ARHGAP32: variants seen among roughly 807,000 people sequenced by gnomAD.
The protein encoded by ARHGAP32 is Rho GTPase activating protein 32, also known as rho GTPase-activating protein 32.
Under a neutral mutation model 186.5 loss-of-function variants are expected in ARHGAP32, and 51 were observed. The observed-to-expected ratio is 0.27, with a 90% CI of 0.22 to 0.35. The LOEUF is 0.35. Ranked by LOEUF, ARHGAP32 falls within the 10% of genes least tolerant of loss-of-function variation. The pLI is 1.00. For missense variants in ARHGAP32, 2,186 were observed against 2,623.5 expected, an observed-to-expected ratio of 0.83 and a Z score of 3.64; for synonymous variants, 950 against 964.3, an observed-to-expected ratio of 0.99 and a Z score of 0.27.
chr11:129,143,249 T>C (rs1445122698), intron 2 of ARHGAP32, among the ~76,000 whole-genome samples: 2 of 152,084 alleles, frequency 1.3e-5, no homozygotes, highest in Admixed American at 6.6e-5. Context: ...TATTGTCCCC[T>C]TTCTTAAAAA....
At chr11:129,080,183 A>C (rs1234823234) in intron 6 of ARHGAP32, among the ~76,000 whole-genome samples, 1 of 152,178 alleles carries the variant, frequency 6.6e-6, no homozygotes, top group Non-Finnish European at 1.5e-5. Context: ...TGACAGCACT[A>C]AATAGGTCAT....
intron 1 of ARHGAP32, among the ~76,000 whole-genome samples, chr11:129,200,430 T>C (rs1944443546): frequency 6.6e-6 from 1 of 152,198 alleles, no homozygotes; most frequent in Non-Finnish European, 1.5e-5. Flanking sequence ...TTTCTCATGG[T>C]AGTAAGTAAG....
At chr11:129,158,583 G>A (rs540677978) in intron 2 of ARHGAP32, among the ~76,000 whole-genome samples, 1 of 152,242 alleles carries the variant, frequency 6.6e-6, no homozygotes, top group South Asian at 2.1e-4. Context: ...GACCTACAAA[G>A]AGACTTAGAC....
chr11:129,158,180 T>C (rs1943452952), intron 2 of ARHGAP32, among the ~76,000 whole-genome samples: 1 of 151,870 alleles, frequency 6.6e-6, no homozygotes, highest in Non-Finnish European at 1.5e-5. Flanking sequence ...ACGGGCAAAA[T>C]AACCAGCTAG....
chr11:129,195,670 C>T (rs1281715613), upstream of ARHGAP32, among the ~76,000 whole-genome samples: 3 of 152,192 alleles, frequency 2.0e-5, no homozygotes, highest in Middle Eastern at 3.4e-3. Context: ...GCCGAGATCA[C>T]GCCATTGCGC....
intron 11 of ARHGAP32, among the ~76,000 whole-genome samples, chr11:129,033,347 C>T (rs966739255): frequency 7.2e-5 from 11 of 152,144 alleles, no homozygotes; most frequent in African/African-American, 1.4e-4. Flanking sequence ...CAATGATTGT[C>T]CCAAATTAAT....
At chr11:129,057,829 C>T (rs573712777) in intron 10 of ARHGAP32, among the ~76,000 whole-genome samples, 1 of 152,050 alleles carries the variant, frequency 6.6e-6, no homozygotes, top group South Asian at 2.1e-4. Context: ...TGAGGTGGCC[C>T]CTAACCTAAT....
upstream of ARHGAP32, among the ~76,000 whole-genome samples, chr11:129,194,940 T>G (rs1255875574): frequency 8.0e-6 from 1 of 124,224 alleles, no homozygotes; most frequent in Admixed American, 8.2e-5. Flanking sequence ...CAAAGTGTTG[T>G]TTTTTTGTGG....
chr11:129,174,765 G>A (rs1943872986), intron 1 of ARHGAP32, among the ~76,000 whole-genome samples: 1 of 152,062 alleles, frequency 6.6e-6, no homozygotes, highest in Admixed American at 6.5e-5. Flanking sequence ...CAAACAGAAA[G>A]CACATCCACA....
chr11:129,217,049 TCTTTA>T (rs1426180418), intron 1 of ARHGAP32, among the ~76,000 whole-genome samples: 1 of 152,196 alleles, frequency 6.6e-6, no homozygotes, highest in Non-Finnish European at 1.5e-5. Flanking sequence ...TTGTTCTAAA[TCTTTA>T]CTTAATTTTT....
intron 5 of ARHGAP32, among the ~76,000 whole-genome samples, chr11:129,117,052 ATT>A (rs1942386737): frequency 6.6e-6 from 1 of 152,044 alleles, no homozygotes; most frequent in Non-Finnish European, 1.5e-5. Flanking sequence ...ACACTGCAGT[ATT>A]ATGTATCATA....
chr11:129,208,667 CT>C (rs60437783), intron 1 of ARHGAP32, among the ~76,000 whole-genome samples: 125 of 142,762 alleles, frequency 8.8e-4, no homozygotes, highest in Middle Eastern at 3.7e-3. Flanking sequence ...ATTTTCTTTT[CT>C]TTTTTTTTTT....
chr11:129,097,484 A>T (rs2135285737), intron 5 of ARHGAP32, among the ~76,000 whole-genome samples: 1 of 152,300 alleles, frequency 6.6e-6, no homozygotes, highest in Middle Eastern at 3.4e-3. Flanking sequence ...AAAGCCTAGA[A>T]ACCAAAATCA....
Position 129,066,752 on chromosome 11 carries a change from G to A in ARHGAP32, c.648C>T (p.Asp216=), listed in dbSNP as rs373355146. The change falls in exon 7 of 23, where the codon GAC becomes GAT. Residue 216 remains aspartate, a synonymous_variant. Coordinates refer to ENST00000682385, the MANE Select transcript of ARHGAP32 (RefSeq NM_001378024.1). ...FSQLSELPRS[D]TLKDSPESVT... The stretch of plus-strand genomic sequence containing the variant: ...TTACCTCTGGACTGTCCTTCAGGGT[G>A]TCAGAACGGGGAAGTTCTGAGAGCT... 8 of 1,612,352 alleles carry A rather than the reference G, an allele frequency of 5.0e-6. No homozygotes were observed. The highest frequency in any genetic ancestry group is 5.9e-6 in the Non-Finnish European group (7 of 1,178,884).
intron 2 of ARHGAP32, among the ~76,000 whole-genome samples, chr11:129,145,215 T>C (rs560598718): frequency 1.1e-3 from 162 of 152,228 alleles, no homozygotes; most frequent in African/African-American, 3.8e-3. Context: ...TGGTAAGTTA[T>C]TGTCAGTCTT....
chr11:128,982,075 C>T (rs1158331990), intron 15 of ARHGAP32, 139 bp from the exon 16 acceptor site: 2 of 515,856 alleles, frequency 3.9e-6, no homozygotes, highest in Non-Finnish European at 6.8e-6. Flanking sequence ...ACTTTTTTTT[C>T]CTGCTTAACA....
At position 128,993,839 on chromosome 11, in the gene ARHGAP32, G is replaced by A. The variant is rs560866959; in HGVS notation, c.1195+4480C>T. Among the ~76,000 whole-genome samples the A allele has an allele frequency of 5.9e-5, 9 of 151,748 alleles. No homozygotes were observed. In the South Asian group the frequency reaches 1.3e-3, roughly 21 times the overall value. The stretch of plus-strand genomic sequence containing the variant: ...CTCAAGGAGCTGGAACCACATGCAC[G>A]TGCCACCATGCCCAGCTAATTTTTT... On this transcript the variant is annotated intron_variant, in intron 12 of 22. Transcript: ENST00000682385.
At chr11:129,205,075 T>C (rs1944499788) in intron 1 of ARHGAP32, among the ~76,000 whole-genome samples, 1 of 152,174 alleles carries the variant, frequency 6.6e-6, no homozygotes, top group Admixed American at 6.5e-5. Context: ...AGAAGTTTAA[T>C]ATATGCAGCT....
At chr11:129,132,201 G>A (rs1313365504) in intron 2 of ARHGAP32, among the ~76,000 whole-genome samples, 2 of 152,238 alleles carry the variant, frequency 1.3e-5, no homozygotes, top group African/African-American at 2.4e-5. Flanking sequence ...ACGGCAGGCT[G>A]GGCGCAGTAG....
Sources: gnomAD v4.1 joint callset for allele counts (sites outside exome capture counted in the v4.1 genomes callset) on GRCh38, gnomAD v4.1.1 for gene constraint, MANE v1.5 for transcripts, NCBI Gene and HGNC (gene_info 2026-07-23, HGNC 2026-07-21) for gene names.